PDE4D: variants seen among roughly 807,000 people sequenced by gnomAD.
PDE4D encodes 3',5'-cyclic-AMP phosphodiesterase 4D.
A neutral mutation model predicts 87.4 loss-of-function variants in PDE4D; 24 were observed. That is an observed-to-expected ratio of 0.27 (90% CI 0.20 to 0.39). The LOEUF is 0.39. PDE4D is among the 10% of genes least tolerant of loss of function. PDE4D has a pLI of 1.00. For synonymous variants in PDE4D, 384 were observed against 383.2 expected (o/e 1.00, Z -0.02); for missense variants, 714 against 1,041.0 (o/e 0.69, Z 4.32).
At chr5:59,127,767 G>A (rs1775669198) in intron 5 of PDE4D, among the ~76,000 whole-genome samples, 1 of 151,984 alleles carries the variant, frequency 6.6e-6, no homozygotes, top group African/African-American at 2.4e-5. Context: ...TGCGACATCA[G>A]AAACCAGTCC....
At chr5:59,207,293 A>G (rs1749010546) in intron 2 of PDE4D, among the ~76,000 whole-genome samples, 1 of 152,172 alleles carries the variant, frequency 6.6e-6, no homozygotes, top group African/African-American at 2.4e-5. Flanking sequence ...AAGAGGGTTG[A>G]GATAAAGTGA....
intron 1 of PDE4D, among the ~76,000 whole-genome samples, chr5:59,718,209 G>C (rs144162650): frequency 1.5e-3 from 231 of 152,244 alleles, no homozygotes; most frequent in African/African-American, 5.4e-3. Flanking sequence ...TTTCATTTCA[G>C]AGTAAGAATA....
intron 1 of PDE4D, among the ~76,000 whole-genome samples, chr5:59,311,393 C>T (rs887209367): frequency 2.0e-5 from 3 of 148,370 alleles, no homozygotes; most frequent in Admixed American, 1.4e-4. Context: ...CCCAGCTCCT[C>T]GGAAGGCTGA....
At chr5:59,248,419 C>T (rs1464718991) in intron 1 of PDE4D, among the ~76,000 whole-genome samples, 1 of 151,702 alleles carries the variant, frequency 6.6e-6, no homozygotes, top group Non-Finnish European at 1.5e-5. Context: ...CACCTACCAC[C>T]CAGTCCCATC....
chr5:59,171,228 A>G (rs1464683553), intron 5 of PDE4D, among the ~76,000 whole-genome samples: 1 of 151,986 alleles, frequency 6.6e-6, no homozygotes, highest in East Asian at 1.9e-4. Context: ...TGCTCTAATC[A>G]ACCCCCAAGT....
At chr5:59,116,080 A>G (rs1035993145) in intron 5 of PDE4D, among the ~76,000 whole-genome samples, 2 of 152,192 alleles carry the variant, frequency 1.3e-5, no homozygotes, top group African/African-American at 4.8e-5. Flanking sequence ...TAAATATAAT[A>G]TACAGCCAAA....
At chr5:59,032,162 T>G (rs1757665214) in intron 6 of PDE4D, among the ~76,000 whole-genome samples, 1 of 152,240 alleles carries the variant, frequency 6.6e-6, no homozygotes, top group Non-Finnish European at 1.5e-5. Context: ...AATCTTTCTA[T>G]GATGTACACA....
chr5:59,448,974 G>A (rs543072637), intron 1 of PDE4D, among the ~76,000 whole-genome samples: 1 of 152,212 alleles, frequency 6.6e-6, no homozygotes, highest in South Asian at 2.1e-4. Flanking sequence ...TGCTCCCCAG[G>A]TGAGTCTGTT....
At chr5:60,485,105 T>G (rs1583910314) in intron 1 of PDE4D, among the ~76,000 whole-genome samples, 1 of 152,152 alleles carries the variant, frequency 6.6e-6, no homozygotes, top group East Asian at 1.9e-4. Flanking sequence ...TGAAATTAAA[T>G]GAAAGCTCCT....
chr5:60,408,205 T>C (rs1167078599), intron 1 of PDE4D, among the ~76,000 whole-genome samples: 1 of 152,188 alleles, frequency 6.6e-6, no homozygotes, highest in Non-Finnish European at 1.5e-5. Flanking sequence ...GTGCCTTCAC[T>C]GACTTCTTGA....
At chr5:59,722,778 A>G (rs1756037782) in intron 1 of PDE4D, among the ~76,000 whole-genome samples, 1 of 152,136 alleles carries the variant, frequency 6.6e-6, no homozygotes, top group African/African-American at 2.4e-5. Context: ...ATACCAGGAC[A>G]TTACTAGGAA....
At chr5:59,565,636 G>A (rs114465370) in intron 1 of PDE4D, among the ~76,000 whole-genome samples, 368 of 152,350 alleles carry the variant, frequency 2.4e-3, no homozygotes, top group Non-Finnish European at 4.3e-3. Context: ...AGGCTATGGC[G>A]TAAGCCTGGT....
At chr5:59,348,971 C>T (rs555543302) in intron 1 of PDE4D, among the ~76,000 whole-genome samples, 4 of 152,088 alleles carry the variant, frequency 2.6e-5, no homozygotes, top group Admixed American at 1.3e-4. Context: ...GTCCTAGCTA[C>T]CCAGGAGGCT....
At chr5:59,349,410 C>T (rs781470657) in intron 1 of PDE4D, among the ~76,000 whole-genome samples, 1 of 152,026 alleles carries the variant, frequency 6.6e-6, no homozygotes, top group Non-Finnish European at 1.5e-5. Flanking sequence ...TTGAATGCTT[C>T]CTCTTTTGTA....
chr5:60,177,771 T>C (rs527801119), intron 2 of PDE4D, among the ~76,000 whole-genome samples: 13 of 152,324 alleles, frequency 8.5e-5, no homozygotes, highest in South Asian at 4.1e-4. Context: ...ACTCCTCTCA[T>C]GTTACACATG....
At chr5:59,952,159 T>G (rs1427073654) in intron 3 of PDE4D, among the ~76,000 whole-genome samples, 1 of 152,168 alleles carries the variant, frequency 6.6e-6, no homozygotes, top group East Asian at 1.9e-4. Flanking sequence ...TTCACTCTTT[T>G]TCCTCTCACC....
intron 2 of PDE4D, among the ~76,000 whole-genome samples, chr5:60,078,733 T>C (rs973769627): frequency 6.6e-6 from 1 of 152,272 alleles, no homozygotes; most frequent in African/African-American, 2.4e-5. Context: ...TTTTAATGGC[T>C]GCATAGTATT....
chr5:60,065,902 CGT>C (rs1772022436), intron 2 of PDE4D, among the ~76,000 whole-genome samples: 1 of 152,048 alleles, frequency 6.6e-6, no homozygotes, highest in African/African-American at 2.4e-5. Flanking sequence ...CATACGTGTG[CGT>C]GTGTCTTTAT....
At chr5:60,294,688 C>T (rs1045949605) in intron 1 of PDE4D, among the ~76,000 whole-genome samples, 1 of 151,590 alleles carries the variant, frequency 6.6e-6, no homozygotes, top group South Asian at 2.1e-4. Context: ...GTGTCTATTT[C>T]TGGACTCTTT....
Sources: gnomAD v4.1 joint callset for allele counts (sites outside exome capture counted in the v4.1 genomes callset) on GRCh38, gnomAD v4.1.1 for gene constraint, MANE v1.5 for transcripts, NCBI Gene and HGNC (gene_info 2026-07-23, HGNC 2026-07-21) for gene names.